Variants in CAPZB observed in about 807,000 individuals in gnomAD.
The protein encoded by CAPZB is F-actin-capping protein subunit beta.
CAPZB carries 2 observed loss-of-function variants against 38.1 expected under a neutral mutation model. The observed-to-expected ratio is 0.05, with a 90% CI of 0.02 to 0.17. CAPZB has a LOEUF of 0.17. Among genes scored for constraint, CAPZB ranks in the 10% least tolerant of loss-of-function variants. The probability of loss-of-function intolerance (pLI) is 1.00; values close to 1 mark genes in which losing one functional copy is unlikely to be tolerated. For missense variants in CAPZB, 161 were observed against 334.2 expected (o/e 0.48, Z 4.04); for synonymous variants, 107 against 127.4 (o/e 0.84, Z 1.08).
At chr1:19,358,119 G>C (rs1246923970) in intron 4 of CAPZB, among the ~76,000 whole-genome samples, 3 of 152,132 alleles carry the variant, frequency 2.0e-5, no homozygotes, top group Non-Finnish European at 4.4e-5. Flanking sequence ...CCTCAAATCC[G>C]ACGCAATGCA....
chr1:19,361,662 CATA>C (rs1285681104), intron 4 of CAPZB, among the ~76,000 whole-genome samples: 1 of 152,222 alleles, frequency 6.6e-6, no homozygotes, highest in Non-Finnish European at 1.5e-5. Context: ...GTACTTTGAT[CATA>C]ATGATATGAA....
chr1:19,458,160 C>T (rs2100726835), intron 1 of CAPZB, among the ~76,000 whole-genome samples: 1 of 150,272 alleles, frequency 6.7e-6, no homozygotes, highest in Admixed American at 6.6e-5. Context: ...GTGATCTGAG[C>T]TTTCCACAAT....
intron 2 of CAPZB, among the ~76,000 whole-genome samples, chr1:19,407,331 C>T (rs1201612567): frequency 6.6e-6 from 1 of 152,142 alleles, no homozygotes; most frequent in Non-Finnish European, 1.5e-5. Flanking sequence ...AATAGCCTCC[C>T]CACCAGAAAG....
At chr1:19,446,434 C>T (rs1254571833) in intron 1 of CAPZB, among the ~76,000 whole-genome samples, 1 of 152,280 alleles carries the variant, frequency 6.6e-6, no homozygotes, top group East Asian at 1.9e-4. Flanking sequence ...ATAAAAGGCA[C>T]AATGATCTGA....
At chr1:19,485,186 G>C (rs986484392) in intron 1 of CAPZB, among the ~76,000 whole-genome samples, 2 of 152,158 alleles carry the variant, frequency 1.3e-5, no homozygotes, top group Non-Finnish European at 1.5e-5. Context: ...TGAACACAGA[G>C]GTAGTGAGTG....
At chr1:19,346,523 C>G (rs2093961920) in intron 6 of CAPZB, among the ~76,000 whole-genome samples, 1 of 142,472 alleles carries the variant, frequency 7.0e-6, no homozygotes, top group Non-Finnish European at 1.5e-5. Flanking sequence ...AGAAGAAAAA[C>G]CAGCAAAAGG....
At chr1:19,433,500 C>T (rs1466471991) in intron 1 of CAPZB, among the ~76,000 whole-genome samples, 4 of 152,130 alleles carry the variant, frequency 2.6e-5, no homozygotes, top group Non-Finnish European at 5.9e-5. Context: ...AATATTTGGA[C>T]ACAGGTTTAC....
Position 19,346,452 on chromosome 1 carries a change from TAAA to T in CAPZB, c.589-1203_589-1201del, listed in dbSNP as rs200968507. ...ATAAAATAAAATTTGTGAGAGAAGC[TAAA>T]AAAAAAAAAAAAAAAAAAAAAAAGA... On this transcript the variant is annotated intron_variant, in intron 6 of 8. Transcript: ENST00000264202. 8.4e-3 allele frequency among the ~76,000 whole-genome samples: 618 copies of T among 73,186 alleles called. 4 individuals carry two copies. The highest frequency in any genetic ancestry group is 0.036 in the African/African-American group (593 of 16,336). 48.0% of individuals were successfully genotyped at this position (73,186 alleles called of 152,430 possible). A position where few individuals can be genotyped will look rare whatever the true frequency, so the allele number is the denominator to read the frequency against.
At chr1:19,463,221 T>C (rs1336466640) in intron 1 of CAPZB, among the ~76,000 whole-genome samples, 1 of 152,184 alleles carries the variant, frequency 6.6e-6, no homozygotes, top group Non-Finnish European at 1.5e-5. Flanking sequence ...CAGGGCAATG[T>C]CTGGGGTCTG....
At chr1:19,464,770 G>A (rs951770378) in intron 1 of CAPZB, among the ~76,000 whole-genome samples, 6 of 152,130 alleles carry the variant, frequency 3.9e-5, no homozygotes, top group African/African-American at 1.4e-4. Flanking sequence ...CATGTTACAC[G>A]AAAGAGGTCA....
chr1:19,350,621 A>G (rs12742107), intron 6 of CAPZB, among the ~76,000 whole-genome samples: 2 of 133,792 alleles, frequency 1.5e-5, no homozygotes, highest in South Asian at 4.8e-4. Context: ...AATTGTTTTT[A>G]TTTTTATTTT....
intron 1 of CAPZB, among the ~76,000 whole-genome samples, chr1:19,467,406 G>A (rs1007528541): frequency 1.3e-5 from 2 of 152,116 alleles, no homozygotes; most frequent in African/African-American, 2.4e-5. Context: ...CTCAGCTCTT[G>A]CGCTGAGGAG....
At chr1:19,344,226 C>A (rs2093948489) in intron 8 of CAPZB, 132 bp downstream of exon 8, 2 of 692,170 alleles carry the variant, frequency 2.9e-6, no homozygotes, top group Non-Finnish European at 5.2e-6. Context: ...ACATAATGAT[C>A]ATCCCAGAAG....
At position 19,357,672 on chromosome 1, in the gene CAPZB, A is replaced by T. The variant is rs1200592830; in HGVS notation, c.330-109T>A. On this transcript the variant is annotated intron_variant, in intron 4 of 8. Coordinates refer to ENST00000264202, the MANE Select transcript of CAPZB (RefSeq NM_004930.5). The surrounding 1 kb of genome is among the most constrained non-coding windows in gnomAD (Gnocchi z 4.3). ...TCTGGGATTCAGGGCCCTCCCTGCG[A>T]CAGTTATGGGAGCCGATCCTTGGGT... The T allele has an allele frequency of 9.5e-7, 1 of 1,055,178 alleles. No individual in the cohort carries two copies. Among genetic ancestry groups the T allele is most frequent in the Non-Finnish European group, 1.4e-6 (1 of 709,094 alleles). 65.4% of individuals were successfully genotyped at this position (1,055,178 alleles called of 1,614,324 possible).
chr1:19,349,891 G>A (rs2100276128), intron 6 of CAPZB, among the ~76,000 whole-genome samples: 1 of 152,346 alleles, frequency 6.6e-6, no homozygotes, highest in Non-Finnish European at 1.5e-5. Flanking sequence ...CCTGGTCAGG[G>A]TCGGCTCGGT....
At chr1:19,439,841 T>C (rs1262526562) in intron 1 of CAPZB, among the ~76,000 whole-genome samples, 1 of 144,380 alleles carries the variant, frequency 6.9e-6, no homozygotes, top group Non-Finnish European at 1.5e-5. Context: ...AGAAACCACC[T>C]CTTATTCCCG....
chr1:19,342,644 T>C (rs1042776529), intron 8 of CAPZB: 9 of 706,540 alleles, frequency 1.3e-5, no homozygotes, highest in Admixed American at 1.0e-4. Flanking sequence ...ACGTGGGGGT[T>C]AGTGGTGGTT....
intron 1 of CAPZB, 122 bp downstream of exon 1, chr1:19,485,314 C>G: frequency 1.5e-6 from 1 of 657,544 alleles, no homozygotes; most frequent in Non-Finnish European, 2.2e-6. Context: ...ACCCAGGGTC[C>G]GGGACCCCGC....
At chr1:19,403,352 G>A (rs761697335) in intron 2 of CAPZB, among the ~76,000 whole-genome samples, 11 of 152,232 alleles carry the variant, frequency 7.2e-5, no homozygotes, top group South Asian at 4.1e-4. Context: ...GGCATGCTGG[G>A]GGGCAGGGTG....
Sources: gnomAD v4.1 joint callset for allele counts (sites outside exome capture counted in the v4.1 genomes callset) on GRCh38, gnomAD v4.1.1 for gene constraint, Gnocchi (gnomAD v3.1) non-coding constraint, MANE v1.5 for transcripts, NCBI Gene and HGNC (gene_info 2026-07-23, HGNC 2026-07-21) for gene names.